The following CSMD1 variants were observed in gnomAD, a reference collection of about 807,000 sequenced individuals.
The protein encoded by CSMD1 is CUB and sushi domain-containing protein 1.
Under a neutral mutation model 417.5 loss-of-function variants are expected in CSMD1, and 213 were observed. The observed-to-expected ratio is 0.51, with a 90% CI of 0.46 to 0.57. The LOEUF (loss-of-function observed/expected upper bound fraction) is 0.57, where lower values mean the gene tolerates loss of function less well. CSMD1 is among the 20% of genes least tolerant of loss of function. CSMD1 has a pLI of 0.00. For missense variants in CSMD1, 6,923 were observed against 4,529.7 expected, an observed-to-expected ratio of 1.53 and a Z score of -15.17; for synonymous variants, 2,862 against 1,736.8, an observed-to-expected ratio of 1.65 and a Z score of -16.11.
chr8:3,003,393 T>G (rs1406387957), intron 52 of CSMD1, among the ~76,000 whole-genome samples: 1 of 152,192 alleles, frequency 6.6e-6, no homozygotes, highest in East Asian at 1.9e-4. Flanking sequence ...CTAGAAAGCC[T>G]CTCTGTCTTC....
At chr8:4,854,152 G>T (rs1375927513) in intron 1 of CSMD1, among the ~76,000 whole-genome samples, 1 of 152,128 alleles carries the variant, frequency 6.6e-6, no homozygotes, top group African/African-American at 2.4e-5. Flanking sequence ...GGGGGCTATT[G>T]GCAGGAGATG....
At chr8:3,502,464 A>G (rs6981993) in intron 10 of CSMD1, among the ~76,000 whole-genome samples, 100,110 of 151,652 alleles carry the variant, frequency 0.66, 33,222 homozygotes, top group Middle Eastern at 0.78. Context: ...GAAGCAACCA[A>G]TATGTCCTTC....
intron 5 of CSMD1, among the ~76,000 whole-genome samples, chr8:3,875,559 T>G (rs1805759666): frequency 6.6e-6 from 1 of 152,080 alleles, no homozygotes; most frequent in South Asian, 2.1e-4. Flanking sequence ...GAGAGGCTCC[T>G]TCAGGAGGAA....
intron 25 of CSMD1, among the ~76,000 whole-genome samples, chr8:3,306,594 T>C (rs1041613567): frequency 1.3e-5 from 2 of 152,192 alleles, no homozygotes; most frequent in African/African-American, 4.8e-5. Context: ...GACATGCAGA[T>C]TAAGGCTATT....
chr8:4,029,270 G>T (rs965015561), intron 4 of CSMD1, among the ~76,000 whole-genome samples: 2 of 152,162 alleles, frequency 1.3e-5, no homozygotes, highest in African/African-American at 4.8e-5. Flanking sequence ...ATATTTGGGG[G>T]ATATAATAAC....
At chr8:3,399,832 A>G (rs982210289) in intron 15 of CSMD1, among the ~76,000 whole-genome samples, 2 of 152,226 alleles carry the variant, frequency 1.3e-5, no homozygotes, top group African/African-American at 4.8e-5. Context: ...CATTACGTAC[A>G]TGCCCGGTTA....
chr8:4,299,761 G>A (rs1209424619), intron 3 of CSMD1, among the ~76,000 whole-genome samples: 2 of 152,000 alleles, frequency 1.3e-5, no homozygotes, highest in African/African-American at 4.8e-5. Context: ...CTCCCGAGTA[G>A]CTGAGATTAC....
intron 3 of CSMD1, among the ~76,000 whole-genome samples, chr8:4,197,722 T>C (rs1314218409): frequency 1.3e-5 from 2 of 152,184 alleles, no homozygotes; most frequent in East Asian, 1.9e-4. Flanking sequence ...CTACTAAAAA[T>C]ACAAAAATTA....
chr8:3,634,449 T>TC (rs2117272368), intron 7 of CSMD1, among the ~76,000 whole-genome samples: 1 of 152,290 alleles, frequency 6.6e-6, no homozygotes, highest in South Asian at 2.1e-4. Context: ...CCTGGGAGAA[T>TC]TAATGCTGTC....
At chr8:4,170,110 G>T (rs1385667471) in intron 3 of CSMD1, among the ~76,000 whole-genome samples, 2 of 151,776 alleles carry the variant, frequency 1.3e-5, no homozygotes, top group Non-Finnish European at 2.9e-5. Flanking sequence ...TCCCTAACCT[G>T]TTTTCTCCCT....
At chr8:3,159,507 C>A (rs963173459) in intron 38 of CSMD1, among the ~76,000 whole-genome samples, 1 of 152,176 alleles carries the variant, frequency 6.6e-6, no homozygotes, top group Non-Finnish European at 1.5e-5. Flanking sequence ...TATAGACACT[C>A]ACGTGTGAAC....
At chr8:4,159,982 G>A (rs546688797) in intron 3 of CSMD1, among the ~76,000 whole-genome samples, 17 of 151,922 alleles carry the variant, frequency 1.1e-4, no homozygotes, top group Non-Finnish European at 2.1e-4. Context: ...TACCAATTGG[G>A]TTCAATGTAT....
chr8:4,526,525 C>G (rs935716129), intron 2 of CSMD1, among the ~76,000 whole-genome samples: 4 of 152,146 alleles, frequency 2.6e-5, no homozygotes, highest in Non-Finnish European at 5.9e-5. Context: ...ACAGTGGAAA[C>G]CAACTGAATT....
At chr8:3,952,023 G>T (rs1409251814) in intron 5 of CSMD1, among the ~76,000 whole-genome samples, 1 of 152,134 alleles carries the variant, frequency 6.6e-6, no homozygotes, top group Non-Finnish European at 1.5e-5. Flanking sequence ...GTCCAAGATG[G>T]ATGAAAAGAT....
intron 7 of CSMD1, among the ~76,000 whole-genome samples, chr8:3,661,985 G>C (rs1465027084): frequency 2.6e-5 from 4 of 152,302 alleles, no homozygotes; most frequent in East Asian, 1.9e-4. Context: ...CTGCGGGAGA[G>C]AGGAGCTACG....
intron 1 of CSMD1, among the ~76,000 whole-genome samples, chr8:4,736,029 A>G (rs2116979809): frequency 6.6e-6 from 1 of 152,292 alleles, no homozygotes; most frequent in South Asian, 2.1e-4. Flanking sequence ...GGAGACACTC[A>G]GGCTATTATG....
chr8:4,723,748 G>C (rs1193665067), intron 1 of CSMD1, among the ~76,000 whole-genome samples: 1 of 137,416 alleles, frequency 7.3e-6, no homozygotes, highest in Non-Finnish European at 1.5e-5. Flanking sequence ...CATATGTGCT[G>C]TAAGAATCTA....
rs147988513 is a variant in CSMD1 at position 3,057,300 on chromosome 8, C to T, written c.7475-4653G>A. ...TTGTGTAAGTTAAATATGCATTTAA[C>T]TTGCAAATACAAATATGCACGCAAA... On this transcript the variant is annotated intron_variant, in intron 49 of 69. Coordinates refer to ENST00000635120, the MANE Select transcript of CSMD1 (RefSeq NM_033225.6). Among the ~76,000 whole-genome samples, 949 of 152,130 alleles carry T rather than the reference C, an allele frequency of 6.2e-3. 9 individuals are homozygous for T. Among genetic ancestry groups the T allele is most frequent in the Middle Eastern group, 0.014 (4 of 294 alleles).
chr8:3,868,758 A>G (rs1805279891), intron 5 of CSMD1, among the ~76,000 whole-genome samples: 1 of 152,120 alleles, frequency 6.6e-6, no homozygotes. Flanking sequence ...CATCCAACAC[A>G]TCAGCAATTT....
Sources: gnomAD v4.1 joint callset for allele counts (sites outside exome capture counted in the v4.1 genomes callset) on GRCh38, gnomAD v4.1.1 for gene constraint, MANE v1.5 for transcripts, NCBI Gene and HGNC (gene_info 2026-07-23, HGNC 2026-07-21) for gene names.